The following FGF13 variants were observed in gnomAD, a reference collection of about 807,000 sequenced individuals.
FGF13 encodes the protein fibroblast growth factor homologous factor 2.
A neutral mutation model predicts 19.5 loss-of-function variants in FGF13; 2 were observed. The observed-to-expected ratio is 0.10, with a 90% confidence interval of 0.04 to 0.32. The LOEUF (loss-of-function observed/expected upper bound fraction) is 0.32. Ranked by LOEUF, FGF13 falls within the 10% of genes least tolerant of loss-of-function variation. The pLI is 1.00. For missense variants in FGF13, 113 were observed against 192.7 expected (o/e 0.59, Z 2.45); for synonymous variants, 72 against 76.9 (o/e 0.94, Z 0.33).
intron 1 of FGF13, among the ~76,000 whole-genome samples, chrX:138,992,081 C>A (rs995896484): frequency 6.6e-4 from 62 of 94,577 alleles, no homozygotes; most frequent in African/African-American, 2.2e-3. Context: ...ATTTATGGGA[C>A]ATCTTTACAT....
intron 1 of FGF13, among the ~76,000 whole-genome samples, chrX:139,021,683 T>C (rs2092178739): frequency 9.0e-6 from 1 of 110,905 alleles, no homozygotes; most frequent in Non-Finnish European, 1.9e-5. Flanking sequence ...ATTGCTTTAA[T>C]AAAGAACACA....
intron 2 of FGF13, among the ~76,000 whole-genome samples, chrX:138,858,693 C>A (rs2091271867): frequency 9.1e-6 from 1 of 110,445 alleles, no homozygotes; most frequent in Non-Finnish European, 1.9e-5. Flanking sequence ...ACTTAACACG[C>A]ATGTAGGAGG....
At chrX:138,733,341 G>A (rs964366485) in intron 1 of FGF13, among the ~76,000 whole-genome samples, 2 of 111,511 alleles carry the variant, frequency 1.8e-5, no homozygotes, top group East Asian at 5.7e-4. Flanking sequence ...TAATAGCTTT[G>A]TTTCTATTAA....
chrX:138,724,474 C>T (rs939610569), intron 1 of FGF13, among the ~76,000 whole-genome samples: 4 of 111,586 alleles, frequency 3.6e-5, no homozygotes, highest in Non-Finnish European at 7.5e-5. Flanking sequence ...AGAAAGTCCC[C>T]CTTGACAGAG....
chrX:139,192,855 C>T (rs1224012050), intron 1 of FGF13, among the ~76,000 whole-genome samples: 3 of 111,566 alleles, frequency 2.7e-5, no homozygotes, highest in Non-Finnish European at 3.8e-5. Context: ...TGACATACCA[C>T]GAACATGAAA....
chrX:138,751,783 C>G (rs2090400192), intron 3 of FGF13, among the ~76,000 whole-genome samples: 1 of 111,625 alleles, frequency 9.0e-6, no homozygotes, highest in Non-Finnish European at 1.9e-5. Flanking sequence ...AGGGCAAGAC[C>G]TAAATCATTT....
intron 1 of FGF13, among the ~76,000 whole-genome samples, chrX:138,873,288 G>A (rs2091368288): frequency 9.0e-6 from 1 of 111,510 alleles, no homozygotes; most frequent in African/African-American, 3.3e-5. Flanking sequence ...AAAGAGAGAG[G>A]TGAGGGAGTG....
chrX:138,962,971 G>A (rs1193004442), intron 1 of FGF13, among the ~76,000 whole-genome samples: 1 of 110,556 alleles, frequency 9.0e-6, no homozygotes, highest in East Asian at 2.8e-4. Flanking sequence ...TTGTGCACAT[G>A]TACCCAAGAA....
At position 138,866,343 on chromosome X, in the gene FGF13, G is replaced by A. The variant is rs148199857; in HGVS notation, c.-112-1693C>T. Among the ~76,000 whole-genome samples, 409 of 112,405 alleles carry A rather than the reference G, an allele frequency of 3.6e-3. 2 individuals are homozygous for A. Among genetic ancestry groups the A allele is most frequent in the African/African-American group, 0.012 (376 of 30,983 alleles). On this transcript the variant is annotated intron_variant, in intron 1 of 2. Coordinates refer to the FGF13 transcript ENST00000421460. Reference sequence around the variant, plus strand: ...AGAAGCCAAGAGAAAAAACATAAACGTATGCACAATTAACTGCAAAGACCA... The same window carrying A: ...AGAAGCCAAGAGAAAAAACATAAACATATGCACAATTAACTGCAAAGACCA...
At chrX:138,841,200 T>C (rs754610233) in intron 3 of FGF13, among the ~76,000 whole-genome samples, 17 of 111,452 alleles carry the variant, frequency 1.5e-4, no homozygotes, top group Non-Finnish European at 2.6e-4. Flanking sequence ...CTTCTCCCTG[T>C]GCCCATACCA....
At chrX:138,873,088 T>A (rs1249672109) in intron 1 of FGF13, among the ~76,000 whole-genome samples, 1 of 111,942 alleles carries the variant, frequency 8.9e-6, no homozygotes, top group Non-Finnish European at 1.9e-5. Flanking sequence ...CCCAGCAATA[T>A]TTGTGAATGC....
At chrX:139,000,613 G>C (rs2092068531) in intron 1 of FGF13, among the ~76,000 whole-genome samples, 1 of 111,235 alleles carries the variant, frequency 9.0e-6, no homozygotes, top group African/African-American at 3.3e-5. Flanking sequence ...AAAATACCTA[G>C]GAATCCAACT....
chrX:138,954,553 G>C (rs1389719733), intron 1 of FGF13, among the ~76,000 whole-genome samples: 1 of 111,478 alleles, frequency 9.0e-6, no homozygotes, highest in Non-Finnish European at 1.9e-5. Flanking sequence ...TGGAAATATA[G>C]GTAGCAACTG....
intron 1 of FGF13, among the ~76,000 whole-genome samples, chrX:138,966,631 G>A (rs1340157985): frequency 8.9e-6 from 1 of 111,851 alleles, no homozygotes; most frequent in African/African-American, 3.3e-5. Context: ...GACTTGCCTT[G>A]TCTCAGATAA....
intron 1 of FGF13, among the ~76,000 whole-genome samples, chrX:138,869,971 GT>G (rs1361356242): frequency 8.9e-6 from 1 of 111,973 alleles, no homozygotes; most frequent in African/African-American, 3.2e-5. Flanking sequence ...TGGTATTTTA[GT>G]TTGCTTACTC....
intron 3 of FGF13, among the ~76,000 whole-genome samples, chrX:138,701,277 T>G (rs906510027): frequency 1.8e-5 from 2 of 112,085 alleles, no homozygotes; most frequent in African/African-American, 6.5e-5. Context: ...TTATCATGCC[T>G]TCACAATATT....
intron 3 of FGF13, among the ~76,000 whole-genome samples, chrX:138,839,680 T>C (rs1229281052): frequency 8.9e-6 from 1 of 112,036 alleles, no homozygotes; most frequent in Non-Finnish European, 1.9e-5. Context: ...ACCAATGCAG[T>C]GTTTTTGTAT....
At chrX:138,858,854 C>A (rs1360742591) in intron 2 of FGF13, among the ~76,000 whole-genome samples, 4 of 111,776 alleles carry the variant, frequency 3.6e-5, no homozygotes, top group African/African-American at 1.3e-4. Context: ...TGGCTGGGAT[C>A]TTAAGGGGCT....
At chrX:139,168,310 A>C (rs780959958) in intron 1 of FGF13, among the ~76,000 whole-genome samples, 2 of 111,640 alleles carry the variant, frequency 1.8e-5, no homozygotes, top group Non-Finnish European at 3.8e-5. Context: ...CTCTCTTTCT[A>C]CCTAGATCTT....
Sources: allele counts gnomAD v4.1 joint callset (sites outside exome capture counted in the v4.1 genomes callset), GRCh38; gene constraint gnomAD v4.1.1; transcripts MANE v1.5; gene names NCBI Gene and HGNC (gene_info 2026-07-23, HGNC 2026-07-21).